RASGRF2: variants seen among roughly 807,000 people sequenced by gnomAD.
RASGRF2 encodes ras-specific guanine nucleotide-releasing factor 2.
RASGRF2 carries 76 observed loss-of-function variants against 151.0 expected under a neutral mutation model. That is an observed-to-expected ratio of 0.50 (90% CI 0.42 to 0.61). The LOEUF (loss-of-function observed/expected upper bound fraction) is 0.61. Among genes scored for constraint, RASGRF2 ranks in the 20% least tolerant of loss-of-function variants. The pLI is 0.00. For missense variants in RASGRF2, 1,148 were observed against 1,564.6 expected (o/e 0.73, Z 4.49); for synonymous variants, 504 against 566.5 (o/e 0.89, Z 1.57).
intron 2 of RASGRF2, among the ~76,000 whole-genome samples, chr5:81,063,432 A>C (rs537184038): frequency 1.4e-4 from 21 of 152,232 alleles, no homozygotes; most frequent in African/African-American, 4.6e-4. Flanking sequence ...ATTTTAGTAA[A>C]GACAGAGTTT....
chr5:81,092,372 C>T (rs1157554164), intron 9 of RASGRF2, among the ~76,000 whole-genome samples: 2 of 151,952 alleles, frequency 1.3e-5, no homozygotes, highest in Non-Finnish European at 2.9e-5. Flanking sequence ...TGCTATTTAT[C>T]TACATTCTGT....
At chr5:80,995,194 T>C (rs1414343814) in intron 1 of RASGRF2, among the ~76,000 whole-genome samples, 1 of 148,194 alleles carries the variant, frequency 6.7e-6, no homozygotes, top group Non-Finnish European at 1.5e-5. Context: ...AGGCGGAGTT[T>C]GCAGTGAGCC....
At chr5:81,193,963 T>C (rs142461233) in intron 18 of RASGRF2, among the ~76,000 whole-genome samples, 188 of 152,336 alleles carry the variant, frequency 1.2e-3, no homozygotes, top group African/African-American at 4.4e-3. Flanking sequence ...AGATTTTCTG[T>C]ACCTGGACTT....
chr5:80,989,159 T>A (rs904299296), intron 1 of RASGRF2, among the ~76,000 whole-genome samples: 1 of 152,080 alleles, frequency 6.6e-6, no homozygotes, highest in African/African-American at 2.4e-5. Flanking sequence ...TTAGTAGAGA[T>A]GGGGTTTCTC....
chr5:80,981,072 G>A (rs1748283322), intron 1 of RASGRF2, among the ~76,000 whole-genome samples: 1 of 152,176 alleles, frequency 6.6e-6, no homozygotes, highest in South Asian at 2.1e-4. Flanking sequence ...TTAGAGCTGC[G>A]TATGTATTGA....
chr5:81,036,391 TG>T (rs1435969481), intron 1 of RASGRF2, among the ~76,000 whole-genome samples: 1 of 152,138 alleles, frequency 6.6e-6, no homozygotes, highest in Non-Finnish European at 1.5e-5. Flanking sequence ...AACACTATGA[TG>T]GAAATATTGT....
At chr5:81,189,714 T>A (rs1021818160) in intron 18 of RASGRF2, among the ~76,000 whole-genome samples, 1 of 148,532 alleles carries the variant, frequency 6.7e-6, no homozygotes, top group African/African-American at 2.5e-5. Flanking sequence ...CTATATACTT[T>A]TTTTTTTTTT....
At chr5:81,009,934 G>A (rs531738293) in intron 1 of RASGRF2, among the ~76,000 whole-genome samples, 20 of 152,162 alleles carry the variant, frequency 1.3e-4, no homozygotes, top group Non-Finnish European at 1.6e-4. Flanking sequence ...AGAGGCGGGC[G>A]GATCACAAGG....
At chr5:80,970,763 G>A (rs1222024548) in intron 1 of RASGRF2, among the ~76,000 whole-genome samples, 1 of 152,222 alleles carries the variant, frequency 6.6e-6, no homozygotes, top group Non-Finnish European at 1.5e-5. Context: ...AGGGGCTATG[G>A]ACGAGGGTGT....
At chr5:80,974,777 C>G (rs1185893971) in intron 1 of RASGRF2, among the ~76,000 whole-genome samples, 2 of 152,160 alleles carry the variant, frequency 1.3e-5, no homozygotes, top group East Asian at 1.9e-4. Flanking sequence ...TCTGTGGCAG[C>G]AAACTAATAG....
rs1001773221 is a variant in RASGRF2 at position 81,217,243 on chromosome 5, G to A, written c.3435-113G>A. The A allele has an allele frequency of 4.9e-6, 7 of 1,430,166 alleles. No homozygotes were observed. The Admixed American group carries it at 7.6e-5, about 16-fold the overall frequency. 88.6% of individuals were successfully genotyped at this position (1,430,166 alleles called of 1,614,324 possible). On this transcript the variant is annotated intron_variant, in intron 24 of 26. Coordinates refer to ENST00000265080, the MANE Select transcript of RASGRF2 (RefSeq NM_006909.3). ...ATGCTTCTGAAACTGAAATAAAAAG[G>A]TTTTGCTCTTCAGTACCAAAGGAGG...
chr5:81,008,173 C>T (rs1749338589), intron 1 of RASGRF2, among the ~76,000 whole-genome samples: 1 of 77,696 alleles, frequency 1.3e-5, no homozygotes, highest in Non-Finnish European at 2.3e-5. Context: ...TTTTTTGAGA[C>T]AGAGTCTCGC....
intron 1 of RASGRF2, among the ~76,000 whole-genome samples, chr5:81,004,493 T>C (rs1187932503): frequency 6.6e-6 from 1 of 152,222 alleles, no homozygotes; most frequent in Non-Finnish European, 1.5e-5. Context: ...TGGCAGGCCA[T>C]GAGGCTGCAT....
At chr5:81,095,361 T>A (rs985030570) in intron 12 of RASGRF2, among the ~76,000 whole-genome samples, 11 of 152,116 alleles carry the variant, frequency 7.2e-5, no homozygotes, top group Admixed American at 5.9e-4. Flanking sequence ...TGGTGAAAGA[T>A]ACAAAAACAG....
chr5:81,051,129 A>G (rs1013958495), intron 2 of RASGRF2, among the ~76,000 whole-genome samples: 5 of 152,052 alleles, frequency 3.3e-5, no homozygotes, highest in Non-Finnish European at 5.9e-5. Flanking sequence ...TTTTTCTAGA[A>G]GTTTTTAAAT....
At position 81,217,377 on chromosome 5, in the gene RASGRF2, T is replaced by G; in HGVS notation, c.3456T>G (p.Pro1152=). ...GCAGTTGTAACCCTCCTGCAGTTCC[T>G]TATCTTGGGATGTACTTGACAGACC... The part of the protein sequence containing the change: ...TLKNCNPPAV[P]YLGMYLTDLA... Residue 1152 remains proline (P), a synonymous_variant, in exon 25 of 27, where the codon CCT becomes CCG. Transcript: ENST00000265080. 1 of 1,612,488 alleles carries G rather than the reference T, an allele frequency of 6.2e-7. No individual in the cohort carries two copies. The highest frequency in any genetic ancestry group is 8.5e-7 in the Non-Finnish European group (1 of 1,179,578).
chr5:81,019,095 C>CTGGCGCATCTGCACATGTTGAAACACT (rs1749742432), intron 1 of RASGRF2, among the ~76,000 whole-genome samples: 1 of 151,788 alleles, frequency 6.6e-6, no homozygotes, highest in Non-Finnish European at 1.5e-5. Flanking sequence ...GGCACTGCGC[C>CTGGCGCATCTGCACATGTTGAAACACT]TGGCGCATCT....
intron 17 of RASGRF2, among the ~76,000 whole-genome samples, chr5:81,128,665 T>A (rs1753536243): frequency 6.6e-6 from 1 of 152,226 alleles, no homozygotes; most frequent in African/African-American, 2.4e-5. Context: ...TTGCTTTAGC[T>A]GACTCATAAT....
rs5869074 is a variant in RASGRF2, at chr5:81,164,456, G to GAA, written c.2687-15708_2687-15707dup. 2.3e-3 allele frequency among the ~76,000 whole-genome samples: 343 copies of GAA among 147,314 alleles called. 4 individuals are homozygous for GAA. In the East Asian group the frequency reaches 0.038, roughly 17 times the overall value. On this transcript the variant is annotated intron_variant, in intron 17 of 26. Coordinates refer to ENST00000265080, the MANE Select transcript of RASGRF2 (RefSeq NM_006909.3). Reference sequence around the variant, plus strand: ...GACTCAAAATTGGGCCACGTTTGATGAAAAAAAAAAAACCCTCATGAAGTT... The same window carrying GAA: ...GACTCAAAATTGGGCCACGTTTGATGAAAAAAAAAAAAAACCCTCATGAAGTT...
Sources: allele counts gnomAD v4.1 joint callset (sites outside exome capture counted in the v4.1 genomes callset), GRCh38; gene constraint gnomAD v4.1.1; transcripts MANE v1.5; gene names NCBI Gene and HGNC (gene_info 2026-07-23, HGNC 2026-07-21).